DHTKD1: variants seen among roughly 807,000 people sequenced by gnomAD.
DHTKD1 encodes 2-oxoadipate dehydrogenase complex component E1.
A neutral mutation model predicts 101.8 loss-of-function variants in DHTKD1; 78 were observed. That is an observed-to-expected ratio of 0.77 (90% CI 0.64 to 0.93). DHTKD1 has a LOEUF of 0.93. Ranked by LOEUF, DHTKD1 falls within the 40% of genes least tolerant of loss-of-function variation. The pLI is 0.00. For synonymous variants in DHTKD1, 462 were observed against 450.3 expected (o/e 1.03, Z -0.33); for missense variants, 1,223 against 1,161.7 (o/e 1.05, Z -0.77).
chr10:12,105,602 C>T (rs899954453), intron 10 of DHTKD1, among the ~76,000 whole-genome samples: 5 of 152,144 alleles, frequency 3.3e-5, no homozygotes, highest in Non-Finnish European at 4.4e-5. Flanking sequence ...CCACCACGCC[C>T]GGCCACAGGT....
intron 8 of DHTKD1, among the ~76,000 whole-genome samples, chr10:12,099,882 C>A (rs949620404): frequency 1.3e-5 from 2 of 150,996 alleles, no homozygotes; most frequent in Non-Finnish European, 1.5e-5. Flanking sequence ...CTGCAACCTC[C>A]GCCTCTCAGG....
intron 3 of DHTKD1, among the ~76,000 whole-genome samples, chr10:12,085,484 G>T (rs1257511260): frequency 1.3e-5 from 2 of 152,028 alleles, no homozygotes; most frequent in Non-Finnish European, 2.9e-5. Context: ...GCAAAATGTT[G>T]GTTGCCAAAA....
Position 12,089,127 on chromosome 10 carries a change from C to G in DHTKD1, c.859C>G (p.Pro287Ala). 1 of 1,614,164 alleles carries G rather than the reference C, an allele frequency of 6.2e-7. No homozygotes were observed. ...CCTCCATGTGACAATGTTGCCCAAT[C>G]CCTCGCACCTGGAGGCCGTCAACCC... ...HPLHVTMLPN[P>A]SHLEAVNPVA... The change falls in exon 5 of 17, where the codon CCC becomes GCC. Residue 287 changes from proline (P) to alanine (A), a missense_variant. By Grantham distance (27) the Pro-to-Ala change is conservative. Coordinates refer to ENST00000263035, the MANE Select transcript of DHTKD1 (RefSeq NM_018706.7).
chr10:12,090,428 T>TTTCCTTCCTTCCTTCCTTCC (rs57839020), intron 5 of DHTKD1, among the ~76,000 whole-genome samples: 55 of 119,860 alleles, frequency 4.6e-4, no homozygotes, highest in African/African-American at 1.8e-3. Flanking sequence ...TTCCTTCCTT[T>TTTCCTTCCTTCCTTCCTTCC]TTCCTTCCTT....
At chr10:12,080,090 C>G (rs139254409) in intron 1 of DHTKD1, among the ~76,000 whole-genome samples, 1,633 of 152,100 alleles carry the variant, frequency 0.011, 30 homozygotes, top group African/African-American at 0.038. Flanking sequence ...ACCATCCTGG[C>G]TAACATGGTG....
chr10:12,093,462 C>G (rs149540106), intron 6 of DHTKD1, among the ~76,000 whole-genome samples: 2 of 152,212 alleles, frequency 1.3e-5, no homozygotes. Context: ...AGATTACAGG[C>G]GTGAACCACT....
At chr10:12,100,097 G>T in intron 8 of DHTKD1, 81 bp from the exon 9 acceptor site, 5 of 783,694 alleles carry the variant, frequency 6.4e-6, no homozygotes, top group Non-Finnish European at 1.0e-5. Flanking sequence ...TGCCTGGCCT[G>T]CATTAAATTT....
chr10:12,072,461 C>CAATAAATA (rs71382613), intron 1 of DHTKD1, among the ~76,000 whole-genome samples: 111 of 148,480 alleles, frequency 7.5e-4, no homozygotes, highest in African/African-American at 1.8e-3. Flanking sequence ...GACTCTGTCT[C>CAATAAATA]AATAAATAAA....
Position 12,120,187 on chromosome 10 carries a change from A to C in DHTKD1, c.2578A>C (p.Ile860Leu). 1.2e-6 allele frequency: 2 copies of C among 1,613,474 alleles called. No homozygotes were observed. Among genetic ancestry groups the C allele is most frequent in the Non-Finnish European group, 1.7e-6 (2 of 1,179,534 alleles). Reference sequence around the variant, plus strand: ...AAGAATTTCTTCTCTCATAGATCATATTTGGAGTCAGGAGGAACCTCAGAA... The same window carrying C: ...AAGAATTTCTTCTCTCATAGATCATCTTTGGAGTCAGGAGGAACCTCAGAA... ...MSKYKHVKDH[I>L]WSQEEPQNMG... The change falls in exon 16 of 17, where the codon ATT becomes CTT. Residue 860 changes from isoleucine (I) to leucine (L), a missense_variant. Transcript: ENST00000263035.
chr10:12,091,427 A>AG (rs1354484156), intron 5 of DHTKD1, 86 bp from the exon 6 acceptor site: 1 of 869,934 alleles, frequency 1.1e-6, no homozygotes, highest in East Asian at 3.2e-5. Context: ...AAAAAAAAAA[A>AG]AAAGTTATTC....
chr10:12,106,147 G>A, intron 10 of DHTKD1, 99 bp from the exon 11 acceptor site: 1 of 1,229,394 alleles, frequency 8.1e-7, no homozygotes, highest in Non-Finnish European at 1.2e-6. Flanking sequence ...CGAGAGCAAG[G>A]CTCCCTCTCC....
At position 12,087,348 on chromosome 10, in the gene DHTKD1, C is replaced by T. The variant is rs1350825013; in HGVS notation, c.523-187C>T. On this transcript the variant is annotated intron_variant, in intron 3 of 16. Transcript: ENST00000263035. The surrounding 1 kb of genome is among the most constrained non-coding windows in gnomAD (Gnocchi z 5.2). Reference sequence around the variant, plus strand: ...ATTCTCCTCAGCCCCTCCTACTGTCCCGGATCCTAGGAAAACCATCCCGCT... The same window carrying T: ...ATTCTCCTCAGCCCCTCCTACTGTCTCGGATCCTAGGAAAACCATCCCGCT... 6.6e-6 allele frequency among the ~76,000 whole-genome samples: 1 copy of T among 151,992 alleles called. No homozygotes were observed. The highest frequency in any genetic ancestry group is 2.4e-5 in the African/African-American group (1 of 41,398).
Position 12,118,743 on chromosome 10 carries a change from C to T in DHTKD1, c.2403-6C>T, listed in dbSNP as rs772719890. On this transcript the variant is annotated splice_region_variant and splice_polypyrimidine_tract_variant and intron_variant, in intron 14 of 16. Coordinates refer to ENST00000263035, the MANE Select transcript of DHTKD1 (RefSeq NM_018706.7). ...CCCACCCTATTGTTCCTTTTCTGTC[C>T]AACAGGGTTAAGACCCTCGTGTTCT... The T allele has an allele frequency of 1.2e-5, 18 of 1,511,620 alleles. No individual in the cohort carries two copies. The South Asian group carries it at 1.6e-4, about 13-fold the overall frequency. The allele number at this position is 1,511,620 out of a possible 1,614,324, so 93.6% of individuals were successfully genotyped here.
intron 2 of DHTKD1, 148 bp downstream of exon 2, chr10:12,081,775 G>A: frequency 1.3e-6 from 1 of 765,622 alleles, no homozygotes; most frequent in Non-Finnish European, 2.1e-6. Flanking sequence ...TACGGTCCGG[G>A]AGGAGCATTC....
intron 1 of DHTKD1, among the ~76,000 whole-genome samples, chr10:12,080,692 C>G (rs929980964): frequency 7.1e-5 from 10 of 140,088 alleles, no homozygotes; most frequent in African/African-American, 2.6e-4. Context: ...GCCTGGGTGA[C>G]ATAGCAAGAC....
intron 1 of DHTKD1, among the ~76,000 whole-genome samples, chr10:12,070,024 A>G (rs546157014): frequency 1.6e-4 from 24 of 152,154 alleles, no homozygotes; most frequent in African/African-American, 5.8e-4. Flanking sequence ...GATATTTATT[A>G]TGTATTTGTC....
At chr10:12,102,422 C>CAA (rs752816882) in intron 10 of DHTKD1, among the ~76,000 whole-genome samples, 1,177 of 64,586 alleles carry the variant, frequency 0.018, 38 homozygotes, top group African/African-American at 0.062. Context: ...GACTCTGTCT[C>CAA]AAAAAAAAAA....
chr10:12,093,752 T>C (rs1350656503), intron 6 of DHTKD1, among the ~76,000 whole-genome samples: 1 of 152,206 alleles, frequency 6.6e-6, no homozygotes, highest in South Asian at 2.1e-4. Flanking sequence ...AAAATAAATA[T>C]TAACTACTAT....
chr10:12,107,263 G>GGT lies in DHTKD1; in HGVS notation c.2048-642_2048-641dup, dbSNP rs1020689906. ...AGCCTCCCAAAGTGGTGGGATTACG[G>GGT]GTGTGAGCCACTGTGCCCGGCCGGG... is the stretch of plus-strand genomic sequence containing the variant. On this transcript the variant is annotated intron_variant, in intron 11 of 16. Transcript: ENST00000263035. This position sits in a 1 kb window ranked among gnomAD's most constrained non-coding sequence, Gnocchi z 4.1. Among the ~76,000 whole-genome samples the GGT allele has an allele frequency of 6.6e-6, 1 of 151,994 alleles. No individual in the cohort carries two copies. Among genetic ancestry groups the GGT allele is most frequent in the Non-Finnish European group, 1.5e-5 (1 of 67,992 alleles).
Sources: allele counts gnomAD v4.1 joint callset (sites outside exome capture counted in the v4.1 genomes callset), GRCh38; gene constraint gnomAD v4.1.1; non-coding constraint Gnocchi (gnomAD v3.1); transcripts MANE v1.5; gene names NCBI Gene and HGNC (gene_info 2026-07-23, HGNC 2026-07-21).